The following SLC22A23 variants were observed in gnomAD, a reference collection of about 807,000 sequenced individuals.
The protein encoded by SLC22A23 is solute carrier family 22 member 23.
Under a neutral mutation model 61.0 loss-of-function variants are expected in SLC22A23, and 26 were observed. The ratio of observed to expected loss-of-function variants is 0.43; its 90% CI spans 0.31 to 0.59. The LOEUF (loss-of-function observed/expected upper bound fraction) is 0.59, where lower values mean the gene tolerates loss of function less well. SLC22A23 is among the 20% of genes least tolerant of loss of function. SLC22A23 has a pLI of 0.11. For missense variants in SLC22A23, 796 were observed against 934.7 expected, an observed-to-expected ratio of 0.85 and a Z score of 1.94; for synonymous variants, 430 against 413.9, an observed-to-expected ratio of 1.04 and a Z score of -0.47.
At chr6:3,319,268 G>A (rs539841252) in intron 4 of SLC22A23, among the ~76,000 whole-genome samples, 5 of 152,260 alleles carry the variant, frequency 3.3e-5, no homozygotes, top group African/African-American at 7.2e-5. Flanking sequence ...TTCCTCTCCC[G>A]GTTCCAGGAG....
At chr6:3,430,786 G>A (rs1011217113) in intron 1 of SLC22A23, among the ~76,000 whole-genome samples, 11 of 152,174 alleles carry the variant, frequency 7.2e-5, no homozygotes, top group Non-Finnish European at 1.5e-4. Context: ...ACAGCATATG[G>A]CCAGGCATAG....
intron 3 of SLC22A23, among the ~76,000 whole-genome samples, chr6:3,348,318 A>C (rs944278126): frequency 6.6e-6 from 1 of 152,296 alleles, no homozygotes. Flanking sequence ...CTCTGAACCA[A>C]AGCCTAGGCG....
chr6:3,398,358 C>T (rs1219622221), intron 3 of SLC22A23, among the ~76,000 whole-genome samples: 2 of 151,830 alleles, frequency 1.3e-5, no homozygotes, highest in Non-Finnish European at 2.9e-5. Flanking sequence ...ACAAGCAAGA[C>T]ATGCTTTCAA....
intron 3 of SLC22A23, among the ~76,000 whole-genome samples, chr6:3,383,694 T>A (rs1302815841): frequency 6.6e-6 from 1 of 151,506 alleles, no homozygotes. Context: ...CACAGGAGAG[T>A]GTTCTGGCGA....
intron 1 of SLC22A23, among the ~76,000 whole-genome samples, chr6:3,426,992 G>A (rs1770538616): frequency 6.6e-6 from 1 of 152,226 alleles, no homozygotes. Context: ...TGGTAGCATG[G>A]AATTCAGAGC....
chr6:3,407,384 T>C (rs1768912224), intron 3 of SLC22A23, among the ~76,000 whole-genome samples: 1 of 152,248 alleles, frequency 6.6e-6, no homozygotes, highest in Middle Eastern at 3.2e-3. Context: ...CTTAACTTCT[T>C]GTCACCAGCC....
chr6:3,438,313 C>G (rs1771356715), intron 1 of SLC22A23, among the ~76,000 whole-genome samples: 1 of 152,250 alleles, frequency 6.6e-6, no homozygotes, highest in South Asian at 2.1e-4. Context: ...GGCCAGCAGT[C>G]CAGCTAATAC....
At chr6:3,343,935 A>T (rs1764285388) in intron 3 of SLC22A23, among the ~76,000 whole-genome samples, 1 of 152,256 alleles carries the variant, frequency 6.6e-6, no homozygotes, top group Admixed American at 6.5e-5. Flanking sequence ...AGTAAATTTT[A>T]GATTCGATTC....
At chr6:3,445,741 A>C (rs1431567600) in intron 1 of SLC22A23, among the ~76,000 whole-genome samples, 2 of 152,136 alleles carry the variant, frequency 1.3e-5, no homozygotes, top group Non-Finnish European at 2.9e-5. Context: ...CAAGTGGAAT[A>C]GCATGAGCAA....
Position 3,346,111 on chromosome 6 carries a change from T to C in SLC22A23, c.914-22109A>G, listed in dbSNP as rs148891520. On this transcript the variant is annotated intron_variant, in intron 3 of 9. Transcript: ENST00000406686. ...GATTCAGCCTGGTGCCAGTGAAACT[T>C]TTCCTGCCTTGAACTGCTCAAAGCC... Among the ~76,000 whole-genome samples, 740 of 152,252 alleles carry C rather than the reference T, an allele frequency of 4.9e-3. 5 individuals are homozygous for C. Among genetic ancestry groups the C allele is most frequent in the South Asian group, 9.8e-3 (47 of 4,820 alleles).
At chr6:3,313,504 G>T (rs1561890683) in intron 4 of SLC22A23, 1 of 152,120 alleles carries the variant, frequency 6.6e-6, no homozygotes, top group Non-Finnish European at 1.5e-5. Flanking sequence ...GCATTTTCCC[G>T]CATGCTTAAT....
At position 3,273,259 on chromosome 6, in the gene SLC22A23, G is replaced by C. The variant is rs751980537; in HGVS notation, c.1857C>G (p.Pro619=). Residue 619 remains proline, a synonymous_variant, in exon 10 of 10, where the codon CCC becomes CCG. Coordinates refer to ENST00000406686, the MANE Select transcript of SLC22A23 (RefSeq NM_015482.2). ...LICIICILLL[P]ESRDQNLPEN... ...CAGGCAGGTTCTGGTCCCTGCTCTC[G>C]GGCAGCAGGAGGATGCAGATGATGC... The C allele has an allele frequency of 8.1e-6, 13 of 1,613,174 alleles. 1 individual carries two copies. The South Asian group carries it at 8.8e-5, about 11-fold the overall frequency.
chr6:3,389,726 A>G (rs1213966933), intron 3 of SLC22A23, among the ~76,000 whole-genome samples: 1 of 152,264 alleles, frequency 6.6e-6, no homozygotes, highest in Non-Finnish European at 1.5e-5. Context: ...AGGAGAAAGT[A>G]CAGGGATGAA....
chr6:3,272,741 C>T lies in SLC22A23; in HGVS notation c.*314G>A, dbSNP rs1017739146. 1.4e-5 allele frequency: 3 copies of T among 207,006 alleles called. No individual in the cohort carries two copies. The highest frequency in any genetic ancestry group is 4.7e-5 in the African/African-American group (2 of 42,816). The allele number at this position is 207,006 out of a possible 1,614,324, so 12.8% of individuals were successfully genotyped here. A position where few individuals can be genotyped will look rare whatever the true frequency, so the allele number is the denominator to read the frequency against. On this transcript the variant is annotated 3_prime_UTR_variant, in exon 10 of 10. Coordinates refer to ENST00000406686, the MANE Select transcript of SLC22A23 (RefSeq NM_015482.2). The stretch of plus-strand genomic sequence containing the variant: ...ATCTTCCCAGAGCAACTGCGTCTCG[C>T]TGCCCAGGGAGGTGATTCCATTTGT...
chr6:3,449,209 A>G (rs1772056498), intron 1 of SLC22A23, among the ~76,000 whole-genome samples: 1 of 152,234 alleles, frequency 6.6e-6, no homozygotes, highest in South Asian at 2.1e-4. Context: ...AAGTTATAAG[A>G]TCATAAAAAT....
At chr6:3,412,792 G>C (rs967060201) in intron 2 of SLC22A23, among the ~76,000 whole-genome samples, 2 of 152,218 alleles carry the variant, frequency 1.3e-5, no homozygotes, top group African/African-American at 4.8e-5. Context: ...GAACCAGAGA[G>C]GTAGTGGTGT....
In SLC22A23 at chr6:3,318,762, C is replaced by T. The variant is rs1417485241; in HGVS notation, c.1082+5072G>A. ...TCTCCTGGTCACCTCATCCTGTCAC[C>T]CACCACAGTAGGATAGCAGGACAGG... On this transcript the variant is annotated intron_variant, in intron 4 of 9. Transcript: ENST00000406686. The surrounding 1 kb of genome is among the most constrained non-coding windows in gnomAD (Gnocchi z 4.3). 6.6e-6 allele frequency among the ~76,000 whole-genome samples: 1 copy of T among 152,184 alleles called. No individual in the cohort carries two copies. The highest frequency in any genetic ancestry group is 1.5e-5 in the Non-Finnish European group (1 of 68,030).
chr6:3,439,575 T>C (rs552980457), intron 1 of SLC22A23, among the ~76,000 whole-genome samples: 4 of 152,226 alleles, frequency 2.6e-5, no homozygotes, highest in Non-Finnish European at 4.4e-5. Flanking sequence ...TAATCTTCAA[T>C]AGCTCACTGA....
At chr6:3,445,817 A>G (rs115668371) in intron 1 of SLC22A23, among the ~76,000 whole-genome samples, 228 of 152,196 alleles carry the variant, frequency 1.5e-3, no homozygotes, top group African/African-American at 5.3e-3. Flanking sequence ...CCCTACAACA[A>G]GGAGGGGTGG....
Sources: allele counts gnomAD v4.1 joint callset (sites outside exome capture counted in the v4.1 genomes callset), GRCh38; gene constraint gnomAD v4.1.1; non-coding constraint Gnocchi (gnomAD v3.1); transcripts MANE v1.5; gene names NCBI Gene and HGNC (gene_info 2026-07-23, HGNC 2026-07-21).